The following DPP6 variants were observed in gnomAD, a reference collection of about 807,000 sequenced individuals.
DPP6 encodes the protein dipeptidyl peptidase like 6, also known as A-type potassium channel modulatory protein DPP6.
In DPP6, 69 loss-of-function variants were observed where a neutral mutation model predicts 122.6. The ratio of observed to expected loss-of-function variants is 0.56; its 90% CI spans 0.46 to 0.69. The LOEUF is 0.69. DPP6 is among the 30% of genes least tolerant of loss of function. The pLI is 0.00. For missense variants in DPP6, 928 were observed against 1,116.9 expected, an observed-to-expected ratio of 0.83 and a Z score of 2.41; for synonymous variants, 418 against 433.1, an observed-to-expected ratio of 0.97 and a Z score of 0.43.
chr7:154,603,317 T>C lies in DPP6; in HGVS notation c.628-34504T>C, dbSNP rs941128525. Among the ~76,000 whole-genome samples the C allele has an allele frequency of 4.2e-5, 5 of 119,518 alleles. 1 individual carries two copies. The highest frequency in any genetic ancestry group is 1.9e-4 in the Admixed American group (2 of 10,474). The allele number at this position is 119,518 out of a possible 152,430, so 78.4% of individuals were successfully genotyped here. A position where few individuals can be genotyped will look rare whatever the true frequency, so the allele number is the denominator to read the frequency against. Reference sequence around the variant, plus strand: ...TTCTTCATGTGTTTCTTCTGTCCCATCCTCTCTTGTTTTTCCTTCGGGGTC... The same window carrying C: ...TTCTTCATGTGTTTCTTCTGTCCCACCCTCTCTTGTTTTTCCTTCGGGGTC... On this transcript the variant is annotated intron_variant, in intron 5 of 25. Coordinates refer to ENST00000377770, the MANE Select transcript of DPP6 (RefSeq NM_130797.4).
the DPP6 span, among the ~76,000 whole-genome samples, chr7:153,791,180 G>A: frequency 2.0e-5 from 3 of 152,108 alleles, no homozygotes; most frequent in South Asian, 2.1e-4. Context: ...TACTCTTAAC[G>A]TAGTATACTA....
chr7:153,891,434 GAT>G (rs1799199552), intron 1 of DPP6, among the ~76,000 whole-genome samples: 1 of 151,762 alleles, frequency 6.6e-6, no homozygotes, highest in African/African-American at 2.4e-5. Context: ...TATACTAAGA[GAT>G]AAATATTTTT....
intron 1 of DPP6, among the ~76,000 whole-genome samples, chr7:154,127,857 GTAGCAGCAGGCT>G (rs1808052074): frequency 6.6e-6 from 1 of 152,054 alleles, no homozygotes; most frequent in South Asian, 2.1e-4. Flanking sequence ...TGTGGTTGCT[GTAGCAGCAGGCT>G]AAGCCACACC....
At chr7:154,020,532 C>G (rs552025270) in intron 1 of DPP6, among the ~76,000 whole-genome samples, 1 of 152,092 alleles carries the variant, frequency 6.6e-6, no homozygotes, top group Non-Finnish European at 1.5e-5. Flanking sequence ...TGATCCAGAG[C>G]TTTTTCTCCT....
chr7:154,779,909 GT>G (rs1171680521), intron 10 of DPP6, among the ~76,000 whole-genome samples: 1 of 152,106 alleles, frequency 6.6e-6, no homozygotes, highest in Non-Finnish European at 1.5e-5. Context: ...CTGAATTTGT[GT>G]TCCAATTTTT....
chr7:154,168,551 C>T (rs552749584), intron 1 of DPP6, among the ~76,000 whole-genome samples: 17 of 152,184 alleles, frequency 1.1e-4, no homozygotes, highest in Non-Finnish European at 2.4e-4. Flanking sequence ...ATAACCAAGG[C>T]TGATATGTTA....
In DPP6 at chr7:153,897,346, A is replaced by G. The variant is rs138966040; in HGVS notation, c.51+9612A>G. Among the ~76,000 whole-genome samples the G allele has an allele frequency of 1.8e-4, 27 of 152,310 alleles. No homozygotes were observed. The East Asian group carries it at 4.8e-3, about 27-fold the overall frequency. On this transcript the variant is annotated intron_variant, in intron 1 of 25. Coordinates refer to the DPP6 transcript ENST00000404039. ...AGATGGGGGAGAAAAATAAGAGATC[A>G]AGTGGGAGAGTATGTCTTCTGCTCT...
At chr7:154,644,069 G>A (rs1423225773) in intron 6 of DPP6, among the ~76,000 whole-genome samples, 1 of 152,160 alleles carries the variant, frequency 6.6e-6, no homozygotes, top group Non-Finnish European at 1.5e-5. Flanking sequence ...GGTACCTAGA[G>A]TGCAGACAAC....
chr7:154,488,206 G>A (rs1021441477), intron 3 of DPP6, among the ~76,000 whole-genome samples: 4 of 152,112 alleles, frequency 2.6e-5, no homozygotes, highest in Admixed American at 1.3e-4. Flanking sequence ...TGGGCGGGGC[G>A]GGACGCAGTA....
At chr7:154,671,958 C>T (rs1255574325) in intron 7 of DPP6, among the ~76,000 whole-genome samples, 2 of 152,010 alleles carry the variant, frequency 1.3e-5, no homozygotes, top group African/African-American at 2.4e-5. Flanking sequence ...TCTCTTGTTG[C>T]CTGTAGACAT....
At chr7:154,813,481 G>A (rs895948073) in intron 16 of DPP6, among the ~76,000 whole-genome samples, 7 of 152,004 alleles carry the variant, frequency 4.6e-5, no homozygotes, top group African/African-American at 1.7e-4. Context: ...TATAAATAGA[G>A]GTTCAGAAAT....
At chr7:154,147,189 C>G (rs1028005998) in intron 1 of DPP6, among the ~76,000 whole-genome samples, 1 of 152,142 alleles carries the variant, frequency 6.6e-6, no homozygotes, top group Non-Finnish European at 1.5e-5. Context: ...CAGGATTGGT[C>G]CTGGGGTCCC....
intron 1 of DPP6, among the ~76,000 whole-genome samples, chr7:154,394,191 T>G (rs1348236032): frequency 1.3e-5 from 2 of 152,204 alleles, no homozygotes; most frequent in African/African-American, 4.8e-5. Context: ...TCTCTATCGT[T>G]TTACACTCTC....
intron 1 of DPP6, among the ~76,000 whole-genome samples, chr7:154,273,307 C>T (rs73727939): frequency 0.023 from 3,551 of 152,214 alleles, 126 homozygotes; most frequent in African/African-American, 0.079. Context: ...ACAGAAAAAG[C>T]TTCAGATGGA....
rs531419066 is a variant in DPP6 at position 153,927,147 on chromosome 7, T to TA, written c.51+39419dup. ...GGGCAACAGAGTTAGACCGTGTCTC[T>TA]AAAAAATATTGACAAGTTGGCTGGG... On this transcript the variant is annotated intron_variant, in intron 1 of 25. Coordinates refer to the DPP6 transcript ENST00000404039. 6.1e-3 allele frequency among the ~76,000 whole-genome samples: 925 copies of TA among 152,166 alleles called. 8 individuals are homozygous for TA. Among genetic ancestry groups the TA allele is most frequent in the Middle Eastern group, 0.02 (6 of 294 alleles).
intron 1 of DPP6, among the ~76,000 whole-genome samples, chr7:154,150,658 G>C (rs1318524166): frequency 3.3e-5 from 5 of 152,258 alleles, no homozygotes; most frequent in Non-Finnish European, 5.9e-5. Flanking sequence ...GTAAGCACCT[G>C]TGATGTCTGG....
chr7:154,621,471 C>T lies in DPP6; in HGVS notation c.628-16350C>T, dbSNP rs112261314. Among the ~76,000 whole-genome samples, 267 of 152,252 alleles carry T rather than the reference C, an allele frequency of 1.8e-3. 2 individuals carry two copies. Among genetic ancestry groups the T allele is most frequent in the Middle Eastern group, 3.4e-3 (1 of 294 alleles). The stretch of plus-strand genomic sequence containing the variant: ...GCAACCTCCGCCTCCTGGGTTCAAG[C>T]GATTCTCCTGCCTCAGCCTCCCAAG... On this transcript the variant is annotated intron_variant, in intron 5 of 25. Transcript: ENST00000377770.
At chr7:154,728,519 G>A (rs1051355588) in intron 8 of DPP6, among the ~76,000 whole-genome samples, 37 of 152,142 alleles carry the variant, frequency 2.4e-4, no homozygotes, top group African/African-American at 8.4e-4. Context: ...ACCCTTCATC[G>A]TAACAATAAC....
intron 1 of DPP6, among the ~76,000 whole-genome samples, chr7:154,340,688 CAT>C (rs770562561): frequency 6.6e-5 from 10 of 152,318 alleles, no homozygotes; most frequent in East Asian, 1.9e-4. Flanking sequence ...CAATAACTAA[CAT>C]GTGTTTTTCA....
Sources: gnomAD v4.1 joint callset for allele counts (sites outside exome capture counted in the v4.1 genomes callset) on GRCh38, gnomAD v4.1.1 for gene constraint, MANE v1.5 for transcripts, NCBI Gene and HGNC (gene_info 2026-07-23, HGNC 2026-07-21) for gene names.